COL8A1: variants seen among roughly 807,000 people sequenced by gnomAD.
COL8A1 encodes collagen alpha-1(VIII) chain.
In COL8A1, 21 loss-of-function variants were observed where a neutral mutation model predicts 42.7. The observed-to-expected ratio is 0.49, with a 90% CI of 0.35 to 0.71. The LOEUF is 0.71. Among genes scored for constraint, COL8A1 ranks in the 30% least tolerant of loss-of-function variants. COL8A1 has a pLI of 0.01. For missense variants in COL8A1, 788 were observed against 962.4 expected, an observed-to-expected ratio of 0.82 and a Z score of 2.40; for synonymous variants, 367 against 369.1, an observed-to-expected ratio of 0.99 and a Z score of 0.06.
intron 1 of COL8A1, among the ~76,000 whole-genome samples, chr3:99,696,154 A>C (rs1016445187): frequency 5.9e-5 from 9 of 152,236 alleles, no homozygotes; most frequent in African/African-American, 1.9e-4. Context: ...AAAAAAACAA[A>C]GTAAGGAGTA....
chr3:99,756,223 T>C (rs961134473), intron 2 of COL8A1, among the ~76,000 whole-genome samples: 1 of 152,052 alleles, frequency 6.6e-6, no homozygotes, highest in Non-Finnish European at 1.5e-5. Context: ...CTGAATCTTA[T>C]AATCCTCCAA....
At chr3:99,666,821 A>G (rs1314024712) in intron 1 of COL8A1, among the ~76,000 whole-genome samples, 1 of 152,224 alleles carries the variant, frequency 6.6e-6, no homozygotes, top group Non-Finnish European at 1.5e-5. Context: ...AGTTTATGGA[A>G]GAAATTCCCT....
At chr3:99,744,219 C>G (rs560490260) in intron 1 of COL8A1, among the ~76,000 whole-genome samples, 3 of 152,168 alleles carry the variant, frequency 2.0e-5, no homozygotes, top group African/African-American at 7.2e-5. Context: ...CGTCAGCCAC[C>G]GTGCCTGGCC....
chr3:99,668,722 C>T (rs1295900775), intron 1 of COL8A1, among the ~76,000 whole-genome samples: 5 of 151,926 alleles, frequency 3.3e-5, no homozygotes, highest in Admixed American at 1.3e-4. Flanking sequence ...ATCCAGTGAA[C>T]TTACTTTACT....
intron 1 of COL8A1, among the ~76,000 whole-genome samples, chr3:99,650,496 A>G (rs1045579935): frequency 1.3e-5 from 2 of 151,940 alleles, no homozygotes; most frequent in Non-Finnish European, 2.9e-5. Context: ...GTGCAGCGGC[A>G]TGATCTTGGC....
intron 1 of COL8A1, among the ~76,000 whole-genome samples, chr3:99,720,255 G>A (rs1940112200): frequency 6.6e-6 from 1 of 152,118 alleles, no homozygotes; most frequent in Admixed American, 6.5e-5. Flanking sequence ...TTAGAGCAAA[G>A]AAGGAGAGTT....
chr3:99,679,482 C>T (rs1369071358), intron 1 of COL8A1: 2 of 152,132 alleles, frequency 1.3e-5, no homozygotes, highest in African/African-American at 4.8e-5. Context: ...ATAGAGTTTC[C>T]AGTCATTGTT....
intron 2 of COL8A1, among the ~76,000 whole-genome samples, chr3:99,753,793 C>A (rs1941200598): frequency 6.6e-6 from 1 of 152,052 alleles, no homozygotes; most frequent in Admixed American, 6.6e-5. Context: ...TGGTTCTATG[C>A]TTTATATATG....
At chr3:99,729,029 G>GA (rs150503360) in intron 1 of COL8A1, among the ~76,000 whole-genome samples, 4 of 151,694 alleles carry the variant, frequency 2.6e-5, no homozygotes, top group Non-Finnish European at 5.9e-5. Context: ...TGTTTCATTT[G>GA]AAAAAAAGCT....
chr3:99,742,338 CA>C (rs1940920644), intron 1 of COL8A1, among the ~76,000 whole-genome samples: 1 of 152,124 alleles, frequency 6.6e-6, no homozygotes. Flanking sequence ...AGTACTGTGC[CA>C]AATTTCTGGC....
At chr3:99,755,155 A>G (rs1941229895) in intron 2 of COL8A1, among the ~76,000 whole-genome samples, 1 of 152,230 alleles carries the variant, frequency 6.6e-6, no homozygotes, top group Non-Finnish European at 1.5e-5. Flanking sequence ...AAGTGTAAAG[A>G]AAAACAAAGG....
At chr3:99,755,379 C>T (rs1006291342) in intron 2 of COL8A1, among the ~76,000 whole-genome samples, 1 of 152,084 alleles carries the variant, frequency 6.6e-6, no homozygotes, top group Non-Finnish European at 1.5e-5. Context: ...GTAAACACTC[C>T]ATTAATTCAC....
At chr3:99,668,423 G>T (rs1420050598) in intron 1 of COL8A1, among the ~76,000 whole-genome samples, 3 of 152,124 alleles carry the variant, frequency 2.0e-5, no homozygotes, top group South Asian at 2.1e-4. Flanking sequence ...ATTTTTACAA[G>T]TGAAAAATAC....
intron 1 of COL8A1, among the ~76,000 whole-genome samples, chr3:99,669,086 A>G (rs1370140984): frequency 6.7e-6 from 1 of 148,376 alleles, no homozygotes; most frequent in Non-Finnish European, 1.5e-5. Flanking sequence ...TTCACCTTCA[A>G]GCCCATATGG....
At chr3:99,746,228 C>T (rs935818609) in intron 2 of COL8A1, among the ~76,000 whole-genome samples, 1 of 152,200 alleles carries the variant, frequency 6.6e-6, no homozygotes, top group African/African-American at 2.4e-5. Context: ...AATATAGGTA[C>T]CACTAATTAT....
chr3:99,738,183 G>A (rs1389678892), intron 1 of COL8A1, among the ~76,000 whole-genome samples: 13 of 152,152 alleles, frequency 8.5e-5, no homozygotes, highest in Admixed American at 7.9e-4. Flanking sequence ...TCCTCCCATA[G>A]CTCAGAGTAA....
intron 2 of COL8A1, among the ~76,000 whole-genome samples, chr3:99,778,780 C>A (rs1227039973): frequency 6.6e-6 from 1 of 152,122 alleles, no homozygotes; most frequent in Non-Finnish European, 1.5e-5. Flanking sequence ...TGTTCGGGTG[C>A]TCTCTCAGTC....
In COL8A1 at chr3:99,714,199, G is replaced by T. The variant is rs115841208; in HGVS notation, c.-128-30698G>T. On this transcript the variant is annotated intron_variant, in intron 1 of 3. Coordinates refer to ENST00000652472, the MANE Select transcript of COL8A1 (RefSeq NM_020351.4). ...ACCACCACACAATTGTGGCTGTAAT[G>T]CAAGTAGCTCTATCTTTTTTGTATT... is the stretch of plus-strand genomic sequence containing the variant. 3.4e-3 allele frequency among the ~76,000 whole-genome samples: 512 copies of T among 152,168 alleles called. 5 individuals carry two copies. The highest frequency in any genetic ancestry group is 0.012 in the African/African-American group (500 of 41,534).
intron 1 of COL8A1, among the ~76,000 whole-genome samples, chr3:99,737,258 G>T (rs1940752196): frequency 1.3e-5 from 2 of 151,876 alleles, no homozygotes; most frequent in South Asian, 2.1e-4. Context: ...ATGTGAATTT[G>T]ATCCTGTCAT....
Sources: gnomAD v4.1 joint callset for allele counts (sites outside exome capture counted in the v4.1 genomes callset) on GRCh38, gnomAD v4.1.1 for gene constraint, MANE v1.5 for transcripts, NCBI Gene and HGNC (gene_info 2026-07-23, HGNC 2026-07-21) for gene names.